DUOXA2: variants seen among roughly 807,000 people sequenced by gnomAD.
The protein encoded by DUOXA2 is dual oxidase maturation factor 2.
Under a neutral mutation model 27.6 loss-of-function variants are expected in DUOXA2, and 22 were observed. That is an observed-to-expected ratio of 0.80 (90% CI 0.57 to 1.14). The LOEUF (loss-of-function observed/expected upper bound fraction) is 1.14, where lower values mean the gene tolerates loss of function less well. Ranked by LOEUF, DUOXA2 falls within the 50% of genes most tolerant of loss-of-function variation. The pLI is 0.00. For missense variants in DUOXA2, 481 were observed against 419.9 expected (o/e 1.15, Z -1.27); for synonymous variants, 188 against 184.4 (o/e 1.02, Z -0.16).
At position 45,117,023 on chromosome 15, in the gene DUOXA2, C is replaced by T. The variant is rs1044195751; in HGVS notation, c.555-68C>T. ...ACGCTGGGGTAGGGATAAAGAAGAG[C>T]GCAGCTGTGGGAACCCCGGTGGGCT... On this transcript the variant is annotated intron_variant, in intron 4 of 5. Coordinates refer to ENST00000323030, the MANE Select transcript of DUOXA2 (RefSeq NM_207581.4). The T allele has an allele frequency of 1.9e-4, 291 of 1,527,084 alleles. 1 individual carries two copies. Among genetic ancestry groups the T allele is most frequent in the Non-Finnish European group, 3.0e-5 (34 of 1,131,328 alleles). 94.6% of individuals were successfully genotyped at this position (1,527,084 alleles called of 1,614,324 possible).
intron 4 of DUOXA2, 133 bp from the exon 5 acceptor site, chr15:45,116,958 G>T (rs1894668670): frequency 8.4e-7 from 1 of 1,190,304 alleles, no homozygotes; most frequent in South Asian, 1.4e-5. Flanking sequence ...CTCCCCCGGG[G>T]AATTCCCCTG....
intron 2 of DUOXA2, 112 bp downstream of exon 2, chr15:45,115,968 C>T (rs2141164763): frequency 1.9e-6 from 3 of 1,590,218 alleles, no homozygotes; most frequent in Non-Finnish European, 2.6e-6. Context: ...TCTTCCCACT[C>T]TCCAGCTCCT....
rs769047167 is a variant in DUOXA2 at position 45,117,980 on chromosome 15, G to A, written c.*71G>A. Reference sequence around the variant, plus strand: ...CCGGGAAGCAGTGCCCGCCAGGCCTGGGCCAGGAGAGCTCCAGGAAGGGCA... The same window carrying A: ...CCGGGAAGCAGTGCCCGCCAGGCCTAGGCCAGGAGAGCTCCAGGAAGGGCA... On this transcript the variant is annotated 3_prime_UTR_variant, in exon 6 of 6. Transcript: ENST00000323030. The A allele has an allele frequency of 2.5e-6, 4 of 1,612,402 alleles. No individual in the cohort carries two copies. Among genetic ancestry groups the A allele is most frequent in the Non-Finnish European group, 3.4e-6 (4 of 1,179,434 alleles).
At position 45,117,945 on chromosome 15, in the gene DUOXA2, A is replaced by G; in HGVS notation, c.*36A>G. ...ATCTGGACTCCTTCCCCGCCTTGGG[A>G]CATCGCAGGCCGGGAAGCAGTGCCC... On this transcript the variant is annotated 3_prime_UTR_variant, in exon 6 of 6. Coordinates refer to ENST00000323030, the MANE Select transcript of DUOXA2 (RefSeq NM_207581.4). 1 of 1,613,014 alleles carries G rather than the reference A, an allele frequency of 6.2e-7. No individual in the cohort carries two copies. Among genetic ancestry groups the G allele is most frequent in the Non-Finnish European group, 8.5e-7 (1 of 1,179,874 alleles).
At position 45,117,277 on chromosome 15, in the gene DUOXA2, C is replaced by A. The variant is rs747006151; in HGVS notation, c.741C>A (p.Gly247=). 2 of 1,603,074 alleles carry A rather than the reference C, an allele frequency of 1.2e-6. No individual in the cohort carries two copies. The highest frequency in any genetic ancestry group is 1.7e-6 in the Non-Finnish European group (2 of 1,173,866). The stretch of plus-strand genomic sequence containing the variant: ...CCTCCGCGCTCACCACTCAGTACGG[C>A]GCCGCCTTCTGGGTCACGCTGGCAA... ...LGSSALTTQY[G]AAFWVTLATG... is the part of the protein sequence containing the mutation. The change falls in exon 5 of 6, where the codon GGC becomes GGA. Residue 247 remains glycine, a synonymous_variant. Transcript: ENST00000323030.
At position 45,116,628 on chromosome 15, in the gene DUOXA2, G is replaced by A; in HGVS notation, c.453G>A (p.Pro151=). 1 of 1,613,900 alleles carries A rather than the reference G, an allele frequency of 6.2e-7. No individual in the cohort carries two copies. The part of the protein sequence containing the change: ...EYANALEKGL[P]DPVLYLAEKF... ...CGAACGCACTGGAGAAGGGGCTGCC[G>A]GACCCAGTGCTCTACCTGGCGGAGA... Residue 151 remains proline (P), a synonymous_variant, in exon 4 of 6, where the codon CCG becomes CCA. Coordinates refer to ENST00000323030, the MANE Select transcript of DUOXA2 (RefSeq NM_207581.4).
intron 1 of DUOXA2, chr15:45,115,321 C>G (rs1894575852): frequency 2.5e-6 from 1 of 395,180 alleles, no homozygotes; most frequent in South Asian, 1.8e-5. Flanking sequence ...CCCAGCTTTT[C>G]TGCATCTTAA....
intron 1 of DUOXA2, chr15:45,115,593 G>C: frequency 1.4e-6 from 1 of 708,790 alleles, no homozygotes; most frequent in Non-Finnish European, 2.6e-6. Context: ...AGGGTAGATG[G>C]GAAATGGGGC....
chr15:45,115,582 T>G (rs1017122801), intron 1 of DUOXA2: 1 of 694,708 alleles, frequency 1.4e-6, no homozygotes, highest in Non-Finnish European at 2.6e-6. Flanking sequence ...GAGGTGCTGT[T>G]AGGGTAGATG....
chr15:45,116,648 C>A lies in DUOXA2; in HGVS notation c.473C>A (p.Ala158Glu), dbSNP rs1894648148. 2 of 1,613,834 alleles carry A rather than the reference C, an allele frequency of 1.2e-6. No individual in the cohort carries two copies. Among genetic ancestry groups the A allele is most frequent in the East Asian group, 2.2e-5 (1 of 44,878 alleles). The change falls in exon 4 of 6, where the codon GCG (alanine) becomes GAG (glutamate). Residue 158 changes from alanine (A) to glutamate (E), a missense_variant. Ala to Glu is a moderately radical substitution (Grantham distance 107). Transcript: ENST00000323030. The stretch of plus-strand genomic sequence containing the variant: ...CTGCCGGACCCAGTGCTCTACCTGG[C>A]GGAGAAGTTCACACCGAGTAGCCCT... ...KGLPDPVLYLAEKFTPSSPCG... is the reference protein window; with the variant it reads ...KGLPDPVLYLEEKFTPSSPCG...
chr15:45,116,018 T>C, intron 2 of DUOXA2, 106 bp from the exon 3 acceptor site: 1 of 1,599,200 alleles, frequency 6.3e-7, no homozygotes, highest in Admixed American at 1.7e-5. Flanking sequence ...GCAACCACAT[T>C]GGACCTCTAA....
Position 45,117,616 on chromosome 15 carries a change from C to G in DUOXA2, c.770-100C>G, listed in dbSNP as rs761250676. ...CTGTAATCCCAGCACTTTGGGAGGTCGAGGCAGGAAGGTCGTTTGAGGCCA... is the reference window on the plus strand; with the variant it reads ...CTGTAATCCCAGCACTTTGGGAGGTGGAGGCAGGAAGGTCGTTTGAGGCCA... On this transcript the variant is annotated intron_variant, in intron 5 of 5. Transcript: ENST00000323030. 2.5e-6 allele frequency: 4 copies of G among 1,613,468 alleles called. No homozygotes were observed. In the Admixed American group the frequency reaches 6.7e-5, roughly 27 times the overall value.
Position 45,117,869 on chromosome 15 carries a change from C to A in DUOXA2, c.923C>A (p.Ala308Asp). Residue 308 changes from alanine (A) to aspartate (D), a missense_variant, in exon 6 of 6, where the codon GCC (alanine) becomes GAC (aspartate). By Grantham distance (126) the Ala-to-Asp change is moderately radical (BLOSUM62 -2). Coordinates refer to ENST00000323030, the MANE Select transcript of DUOXA2 (RefSeq NM_207581.4). ...LILGDPLHKQ[A>D]ALPDLKCITT... ...CTCGGCGACCCACTGCACAAGCAGG[C>A]CGCTCTCCCAGACTTAAAATGTATC... 1 of 1,613,634 alleles carries A rather than the reference C, an allele frequency of 6.2e-7. No individual in the cohort carries two copies. The highest frequency in any genetic ancestry group is 1.1e-5 in the South Asian group (1 of 91,092).
intron 1 of DUOXA2, chr15:45,115,551 C>A: frequency 1.5e-6 from 1 of 665,770 alleles, no homozygotes; most frequent in Non-Finnish European, 2.8e-6. Context: ...TGGAAGAGTG[C>A]CAGGAAGTGG....
rs750281586 is a variant in DUOXA2 at position 45,115,360 on chromosome 15, A to C, written c.148-439A>C. 21 of 456,248 alleles carry C rather than the reference A, an allele frequency of 4.6e-5. 1 individual carries two copies. Among genetic ancestry groups the C allele is most frequent in the Admixed American group, 2.6e-4 (11 of 41,838 alleles). 28.3% of individuals were successfully genotyped at this position (456,248 alleles called of 1,614,324 possible). On this transcript the variant is annotated intron_variant, in intron 1 of 5. Transcript: ENST00000323030. Reference sequence around the variant, plus strand: ...GTGTTGCTTTCCCTGGAACTGGTGCACCTAGGAGTATCTGCATTCCCACCT... The same window carrying C: ...GTGTTGCTTTCCCTGGAACTGGTGCCCCTAGGAGTATCTGCATTCCCACCT...
Position 45,117,847 on chromosome 15 carries a change from G to A in DUOXA2, c.901G>A (p.Gly301Ser). 1.2e-6 allele frequency: 2 copies of A among 1,613,690 alleles called. No individual in the cohort carries two copies. The highest frequency in any genetic ancestry group is 1.7e-6 in the Non-Finnish European group (2 of 1,180,024). The change falls in exon 6 of 6, where the codon GGC (glycine) becomes AGC (serine). Residue 301 changes from glycine to serine, a missense_variant. By Grantham distance (56) the Gly-to-Ser change is moderately conservative. Coordinates refer to ENST00000323030, the MANE Select transcript of DUOXA2 (RefSeq NM_207581.4). ...QERGGSPLIL[G>S]DPLHKQAALP... ...GAGAGGGGGCTCACCTCTTATCCTCGGCGACCCACTGCACAAGCAGGCCGC... is the reference window on the plus strand; with the variant it reads ...GAGAGGGGGCTCACCTCTTATCCTCAGCGACCCACTGCACAAGCAGGCCGC...
At chr15:45,117,591 C>T in intron 5 of DUOXA2, 125 bp from the exon 6 acceptor site, 2 of 1,612,228 alleles carry the variant, frequency 1.2e-6, no homozygotes, top group Non-Finnish European at 1.7e-6. Flanking sequence ...GGCATCACGC[C>T]TGTAATCCCA....
Position 45,114,340 on chromosome 15 carries a change from G to A in DUOXA2, c.-266G>A. ...CTTCCAAACTCAGCGCCAACCCGCA[G>A]AACCAGGAAAGTAACGGCTACAGAC... On this transcript the variant is annotated 5_prime_UTR_variant, in exon 1 of 6. Coordinates refer to ENST00000323030, the MANE Select transcript of DUOXA2 (RefSeq NM_207581.4). The A allele has an allele frequency of 1.9e-6, 1 of 529,598 alleles. No homozygotes were observed. Among genetic ancestry groups the A allele is most frequent in the Non-Finnish European group, 3.4e-6 (1 of 293,496 alleles). 32.8% of individuals were successfully genotyped at this position (529,598 alleles called of 1,614,324 possible).
intron 5 of DUOXA2, 31 bp downstream of exon 5, chr15:45,117,336 T>A: frequency 6.4e-7 from 1 of 1,556,214 alleles, no homozygotes; most frequent in Non-Finnish European, 8.7e-7. Flanking sequence ...CCCCGGGGGC[T>A]AAGGGTGGAG....
Sources: allele counts gnomAD v4.1 joint callset, GRCh38; gene constraint gnomAD v4.1.1; transcripts MANE v1.5; gene names NCBI Gene and HGNC (gene_info 2026-07-23, HGNC 2026-07-21).